TENM3: variants seen among roughly 807,000 people sequenced by gnomAD.
The protein encoded by TENM3 is teneurin-3.
A neutral mutation model predicts 255.1 loss-of-function variants in TENM3; 63 were observed. The observed-to-expected ratio is 0.25, with a 90% CI of 0.20 to 0.30. The LOEUF is 0.30. Ranked by LOEUF, TENM3 falls within the 10% of genes least tolerant of loss-of-function variation. The probability of loss-of-function intolerance (pLI) is 1.00; values close to 1 mark genes in which losing one functional copy is unlikely to be tolerated. For missense variants in TENM3, 2,929 were observed against 3,461.1 expected (o/e 0.85, Z 3.86); for synonymous variants, 1,306 against 1,322.3 (o/e 0.99, Z 0.27).
chr4:181,918,215 T>C, the TENM3 span, among the ~76,000 whole-genome samples: 1 of 152,186 alleles, frequency 6.6e-6, no homozygotes, highest in Non-Finnish European at 1.5e-5. Flanking sequence ...GCTTTCTGAA[T>C]AGTATTAATA....
chr4:182,342,215 T>C (rs572061232), intron 2 of TENM3, among the ~76,000 whole-genome samples: 3 of 152,244 alleles, frequency 2.0e-5, no homozygotes, highest in African/African-American at 7.2e-5. Context: ...CTCATAATAG[T>C]AAAAAAGATA....
At chr4:182,097,250 G>C in the TENM3 span, among the ~76,000 whole-genome samples, 1 of 152,094 alleles carries the variant, frequency 6.6e-6, no homozygotes, top group South Asian at 2.1e-4. Context: ...AGCCCTTAGG[G>C]AAGCTTCTCC....
chr4:181,871,754 G>C, the TENM3 span, among the ~76,000 whole-genome samples: 1 of 152,072 alleles, frequency 6.6e-6, no homozygotes, highest in Middle Eastern at 3.2e-3. Context: ...ACTTTGTTAA[G>C]TGTGTTTTAT....
At chr4:181,576,570 G>T in the TENM3 span, among the ~76,000 whole-genome samples, 1 of 152,064 alleles carries the variant, frequency 6.6e-6, no homozygotes, top group Non-Finnish European at 1.5e-5. Flanking sequence ...CAGAGAAAAG[G>T]GCTAAGGCTT....
intron 13 of TENM3, among the ~76,000 whole-genome samples, chr4:182,726,494 C>G (rs1414752595): frequency 6.6e-6 from 1 of 152,162 alleles, no homozygotes; most frequent in Non-Finnish European, 1.5e-5. Flanking sequence ...CCCAGTCACA[C>G]AGCCTCACAG....
chr4:181,955,261 G>A, the TENM3 span, among the ~76,000 whole-genome samples: 1 of 152,142 alleles, frequency 6.6e-6, no homozygotes, highest in African/African-American at 2.4e-5. Context: ...CCCATTATGG[G>A]AGGGGAAGGC....
the TENM3 span, among the ~76,000 whole-genome samples, chr4:181,758,347 T>C: frequency 6.6e-6 from 1 of 152,160 alleles, no homozygotes; most frequent in Non-Finnish European, 1.5e-5. Context: ...CAAAGATCTC[T>C]AACCACTGAT....
chr4:181,821,865 A>G, the TENM3 span, among the ~76,000 whole-genome samples: 1 of 152,346 alleles, frequency 6.6e-6, no homozygotes, highest in South Asian at 2.1e-4. Context: ...AGACAGGATT[A>G]GTATCAACAG....
intron 4 of TENM3, among the ~76,000 whole-genome samples, chr4:182,603,447 C>T (rs1748091146): frequency 1.3e-5 from 2 of 152,086 alleles, no homozygotes; most frequent in Non-Finnish European, 2.9e-5. Context: ...CCAAAGTTCA[C>T]ATCTTACAGT....
chr4:182,702,825 C>T (rs568625859), intron 12 of TENM3, among the ~76,000 whole-genome samples: 8 of 152,090 alleles, frequency 5.3e-5, no homozygotes, highest in Admixed American at 2.0e-4. Flanking sequence ...GCAAGCTCCA[C>T]CTCCCGGGTG....
At chr4:182,484,527 G>T (rs1179648527) in intron 3 of TENM3, among the ~76,000 whole-genome samples, 1 of 152,096 alleles carries the variant, frequency 6.6e-6, no homozygotes, top group Non-Finnish European at 1.5e-5. Flanking sequence ...TTAGAAGTTG[G>T]TTGATATGAA....
intron 1 of TENM3, among the ~76,000 whole-genome samples, chr4:182,177,737 A>T (rs1471770294): frequency 6.6e-6 from 1 of 151,564 alleles, no homozygotes; most frequent in Non-Finnish European, 1.5e-5. Flanking sequence ...CATGTTGTCC[A>T]GGCTGGTCTT....
the TENM3 span, among the ~76,000 whole-genome samples, chr4:181,851,619 C>A: frequency 1.8e-3 from 267 of 152,162 alleles, no homozygotes; most frequent in African/African-American, 6.3e-3. Context: ...CACGCACGCA[C>A]GCACACGCAT....
chr4:182,791,756 G>A (rs546510644), intron 25 of TENM3, among the ~76,000 whole-genome samples: 2 of 151,990 alleles, frequency 1.3e-5, no homozygotes, highest in East Asian at 3.9e-4. Flanking sequence ...TCCATTTTTG[G>A]CTAATTTTAT....
chr4:182,091,984 G>A, the TENM3 span, among the ~76,000 whole-genome samples: 1 of 152,142 alleles, frequency 6.6e-6, no homozygotes, highest in Non-Finnish European at 1.5e-5. Flanking sequence ...CTGTGCACCA[G>A]TCCTGTGACC....
At chr4:181,547,554 A>G in the TENM3 span, among the ~76,000 whole-genome samples, 1 of 152,162 alleles carries the variant, frequency 6.6e-6, no homozygotes, top group Non-Finnish European at 1.5e-5. Flanking sequence ...CATTCACACC[A>G]AGTAAAACTG....
At chr4:181,548,331 A>G in the TENM3 span, among the ~76,000 whole-genome samples, 1 of 152,208 alleles carries the variant, frequency 6.6e-6, no homozygotes, top group Non-Finnish European at 1.5e-5. Flanking sequence ...AAAGGATTAT[A>G]AATCATGCTG....
intron 1 of TENM3, among the ~76,000 whole-genome samples, chr4:182,306,799 A>G (rs2150395434): frequency 6.6e-6 from 1 of 152,328 alleles, no homozygotes; most frequent in East Asian, 1.9e-4. Context: ...CATTATGTAC[A>G]TTAGTTGAAA....
At chr4:182,555,104 A>C (rs1742453210) in intron 3 of TENM3, among the ~76,000 whole-genome samples, 1 of 152,218 alleles carries the variant, frequency 6.6e-6, no homozygotes, top group South Asian at 2.1e-4. Flanking sequence ...GTGCATGCTG[A>C]AAATGTATAT....
Sources: allele counts gnomAD v4.1 joint callset (sites outside exome capture counted in the v4.1 genomes callset), GRCh38; gene constraint gnomAD v4.1.1; transcripts MANE v1.5; gene names NCBI Gene and HGNC (gene_info 2026-07-23, HGNC 2026-07-21).